Variants in MMUT observed in about 807,000 individuals in gnomAD.
The protein encoded by MMUT is methylmalonyl-CoA mutase, also known as methylmalonyl-CoA mutase, mitochondrial.
Under a neutral mutation model 79.9 loss-of-function variants are expected in MMUT, and 79 were observed. That is an observed-to-expected ratio of 0.99 (90% CI 0.82 to 1.19). The LOEUF (loss-of-function observed/expected upper bound fraction) is 1.19. MMUT is among the 50% of genes most tolerant of loss of function. The pLI, the probability that MMUT is intolerant of heterozygous loss-of-function variation, is 0.00. For synonymous variants in MMUT, 273 were observed against 295.7 expected (o/e 0.92, Z 0.79); for missense variants, 860 against 917.2 (o/e 0.94, Z 0.81).
chr6:49,456,677 T>C (rs1347187557), intron 3 of MMUT, among the ~76,000 whole-genome samples: 1 of 152,178 alleles, frequency 6.6e-6, no homozygotes, highest in Non-Finnish European at 1.5e-5. Flanking sequence ...TAGTTATTAA[T>C]TTTCTAGTTT....
intron 6 of MMUT, among the ~76,000 whole-genome samples, chr6:49,449,175 AAATT>A (rs1767488020): frequency 6.6e-6 from 1 of 152,134 alleles, no homozygotes; most frequent in Non-Finnish European, 1.5e-5. Flanking sequence ...TCTTGGGAGA[AAATT>A]AAAGCAACAT....
At chr6:49,461,394 G>A (rs1221196297) in intron 1 of MMUT, among the ~76,000 whole-genome samples, 2 of 152,148 alleles carry the variant, frequency 1.3e-5, no homozygotes, top group Non-Finnish European at 2.9e-5. Context: ...AAAGTAGTAA[G>A]TAAAAGACTC....
intron 8 of MMUT, among the ~76,000 whole-genome samples, chr6:49,445,934 A>C (rs1182375552): frequency 6.6e-6 from 1 of 152,024 alleles, no homozygotes; most frequent in Non-Finnish European, 1.5e-5. Flanking sequence ...AAATAAAGTA[A>C]ATCGAGTAAA....
rs748548097 is a variant in MMUT at position 49,453,731 on chromosome 6, T to A, written c.937A>T (p.Met313Leu). ...PRLSFFWGIG[M>L]NFYMEIAKMR... ...TTTGCTATTTCCATATAGAAATTCA[T>A]TCCAATTCCCCAGAAGAAAGACAAC... Residue 313 changes from methionine (M) to leucine (L), a missense_variant, in exon 5 of 13, where the codon ATG becomes TTG. Transcript: ENST00000274813. 1.2e-6 allele frequency: 2 copies of A among 1,613,170 alleles called. No individual in the cohort carries two copies. Among genetic ancestry groups the A allele is most frequent in the South Asian group, 2.2e-5 (2 of 91,068 alleles).
intron 4 of MMUT, among the ~76,000 whole-genome samples, chr6:49,455,358 A>C (rs1469531339): frequency 6.6e-6 from 1 of 152,224 alleles, no homozygotes; most frequent in Non-Finnish European, 1.5e-5. Context: ...TTTGATCTCA[A>C]ATACCCCAGA....
Position 49,450,484 on chromosome 6 carries a change from A to C in MMUT, c.1332+982T>G, listed in dbSNP as rs1767524990. ...ACCAAGTTATACATCAATACAAAAAATAAAGAAGAGGTCCCAATACTTTCA... is the reference window on the plus strand; with the variant it reads ...ACCAAGTTATACATCAATACAAAAACTAAAGAAGAGGTCCCAATACTTTCA... On this transcript the variant is annotated intron_variant, in intron 6 of 12. Coordinates refer to ENST00000274813, the MANE Select transcript of MMUT (RefSeq NM_000255.4). Among the ~76,000 whole-genome samples, 3 of 152,290 alleles carry C rather than the reference A, an allele frequency of 2.0e-5. No individual in the cohort carries two copies. The South Asian group carries it at 6.2e-4, about 32-fold the overall frequency.
chr6:49,451,834 G>C lies in MMUT; in HGVS notation c.1084-120C>G, dbSNP rs1767562682. On this transcript the variant is annotated intron_variant, in intron 5 of 12. Coordinates refer to ENST00000274813, the MANE Select transcript of MMUT (RefSeq NM_000255.4). ...TTTTCTATGTCAATTTCCATATTAA[G>C]CTTCAGAATAGCAAATAAATTCAGA... is the stretch of plus-strand genomic sequence containing the variant. 5 of 1,123,378 alleles carry C rather than the reference G, an allele frequency of 4.5e-6. No homozygotes were observed. The African/African-American group carries it at 4.7e-5, about 11-fold the overall frequency. The allele number at this position is 1,123,378 out of a possible 1,614,324, so 69.6% of individuals were successfully genotyped here.
intron 2 of MMUT, among the ~76,000 whole-genome samples, chr6:49,458,851 C>A (rs1400631082): frequency 1.3e-5 from 2 of 152,154 alleles, no homozygotes; most frequent in Non-Finnish European, 2.9e-5. Context: ...TCACCTAATT[C>A]CTTTTAAACA....
At chr6:49,440,469 T>A in intron 10 of MMUT, 116 bp from the exon 11 acceptor site, 1 of 1,127,768 alleles carries the variant, frequency 8.9e-7, no homozygotes, top group Non-Finnish European at 1.3e-6. Context: ...ACCTAATTTG[T>A]TTACTTGTAT....
rs2127420023 is a variant in MMUT at position 49,457,935 on chromosome 6, G to C, written c.509C>G (p.Thr170Ser). The stretch of plus-strand genomic sequence containing the variant: ...AGGAATTCCATCAAAAAGAATTTTG[G>C]TATCTTCCACAGTGTCAATAGCAAC... ...AGVAIDTVED[T>S]KILFDGIPLE... is the part of the protein sequence containing the mutation. The change falls in exon 3 of 13, where the codon ACC becomes AGC. Residue 170 changes from threonine to serine, a missense_variant. Transcript: ENST00000274813. 2 of 1,612,962 alleles carry C rather than the reference G, an allele frequency of 1.2e-6. No homozygotes were observed. Among genetic ancestry groups the C allele is most frequent in the Non-Finnish European group, 1.7e-6 (2 of 1,179,942 alleles).
chr6:49,431,733 C>A lies in MMUT; in HGVS notation c.2248G>T (p.Val750Leu). The change falls in exon 13 of 13, where the codon GTA (valine) becomes TTA (leucine). Residue 750 changes from valine to leucine, a missense_variant. Coordinates refer to ENST00000274813, the MANE Select transcript of MMUT (RefSeq NM_000255.4). ...EKCLEKKQQS[V>L] Reference sequence around the variant, plus strand: ...GCTAAAACAAAAAGAGGATATTATACAGATTGCTGCTTCTTTTCCAAACAC... The same window carrying A: ...GCTAAAACAAAAAGAGGATATTATAAAGATTGCTGCTTCTTTTCCAAACAC... The A allele has an allele frequency of 1.2e-6, 2 of 1,613,608 alleles. No individual in the cohort carries two copies. Among genetic ancestry groups the A allele is most frequent in the Non-Finnish European group, 1.7e-6 (2 of 1,179,666 alleles).
chr6:49,434,568 T>C (rs1767075143), intron 12 of MMUT, among the ~76,000 whole-genome samples: 1 of 152,214 alleles, frequency 6.6e-6, no homozygotes, highest in Non-Finnish European at 1.5e-5. Flanking sequence ...ACAGTTCTTC[T>C]AACTTGACAT....
At chr6:49,442,598 T>A (rs923375357) in intron 9 of MMUT, among the ~76,000 whole-genome samples, 1 of 152,108 alleles carries the variant, frequency 6.6e-6, no homozygotes, top group African/African-American at 2.4e-5. Flanking sequence ...AAAGATGGAA[T>A]GGGCTGTCTG....
intron 12 of MMUT, among the ~76,000 whole-genome samples, chr6:49,435,117 C>T (rs929991283): frequency 6.6e-6 from 1 of 152,148 alleles, no homozygotes; most frequent in African/African-American, 2.4e-5. Flanking sequence ...CCACTGTTCT[C>T]TACTCCACTT....
In MMUT at chr6:49,430,773, T is replaced by G. The variant is rs1766952876; in HGVS notation, c.*955A>C. 1 of 152,206 alleles carries G rather than the reference T, an allele frequency of 6.6e-6. No individual in the cohort carries two copies. Among genetic ancestry groups the G allele is most frequent in the Non-Finnish European group, 1.5e-5 (1 of 68,042 alleles). 9.4% of individuals were successfully genotyped at this position (152,206 alleles called of 1,614,324 possible). ...TATTTAAACTTTTTTTATTTTACAT[T>G]CTGGGGAACATGTGCAGGATGTGCA... On this transcript the variant is annotated 3_prime_UTR_variant, in exon 13 of 13. Transcript: ENST00000274813.
chr6:49,451,319 A>C (rs1767544284), intron 6 of MMUT, 147 bp downstream of exon 6: 1 of 927,662 alleles, frequency 1.1e-6, no homozygotes, highest in African/African-American at 1.7e-5. Flanking sequence ...TTTTTTTGCA[A>C]ACATCGTTTA....
chr6:49,461,787 C>T (rs1767851868), intron 1 of MMUT, among the ~76,000 whole-genome samples: 1 of 151,990 alleles, frequency 6.6e-6, no homozygotes, highest in South Asian at 2.1e-4. Context: ...ACAAAAAAAC[C>T]TTCCATTTTT....
Position 49,431,561 on chromosome 6 carries a change from C to T in MMUT, c.*167G>A, listed in dbSNP as rs1157337162. 6.4e-6 allele frequency: 4 copies of T among 625,304 alleles called. No individual in the cohort carries two copies. Among genetic ancestry groups the T allele is most frequent in the African/African-American group, 1.9e-5 (1 of 53,386 alleles). 38.7% of individuals were successfully genotyped at this position (625,304 alleles called of 1,614,324 possible). A position where few individuals can be genotyped will look rare whatever the true frequency, so the allele number is the denominator to read the frequency against. ...TATTTTTGAAGTGAAACTGTATGTA[C>T]ATACTTATAGCATGACACCAGGCCT... On this transcript the variant is annotated 3_prime_UTR_variant, in exon 13 of 13. Transcript: ENST00000274813.
intron 12 of MMUT, 80 bp from the exon 13 acceptor site, chr6:49,431,936 T>C (rs762059871): frequency 6.6e-7 from 1 of 1,515,394 alleles, no homozygotes; most frequent in Non-Finnish European, 9.1e-7. Context: ...TTCTTCTTTG[T>C]CACTCAATTA....
Sources: gnomAD v4.1 joint callset for allele counts (sites outside exome capture counted in the v4.1 genomes callset) on GRCh38, gnomAD v4.1.1 for gene constraint, MANE v1.5 for transcripts, NCBI Gene and HGNC (gene_info 2026-07-23, HGNC 2026-07-21) for gene names.